Variants in AGMO observed in about 807,000 individuals in gnomAD.
AGMO encodes the protein alkylglycerol monooxygenase.
AGMO carries 75 observed loss-of-function variants against 60.2 expected under a neutral mutation model. That is an observed-to-expected ratio of 1.25 (90% CI 1.03 to 1.51). The LOEUF (loss-of-function observed/expected upper bound fraction) is 1.51. AGMO is among the 40% of genes most tolerant of loss of function. The pLI is 0.00. For synonymous variants in AGMO, 261 were observed against 177.1 expected, an observed-to-expected ratio of 1.47 and a Z score of -3.76; for missense variants, 763 against 525.5, an observed-to-expected ratio of 1.45 and a Z score of -4.42.
chr7:15,139,725 C>T, the AGMO span, among the ~76,000 whole-genome samples: 1 of 149,168 alleles, frequency 6.7e-6, no homozygotes, highest in Non-Finnish European at 1.5e-5. Flanking sequence ...CATGATTAAT[C>T]TTATGAGATT....
intron 5 of AGMO, among the ~76,000 whole-genome samples, chr7:15,398,114 C>T (rs1400580980): frequency 6.6e-6 from 1 of 152,102 alleles, no homozygotes. Flanking sequence ...ACATGTGTTA[C>T]AAAAACAAAC....
intron 4 of AGMO, among the ~76,000 whole-genome samples, chr7:15,421,650 C>T (rs1258997897): frequency 3.3e-5 from 5 of 151,920 alleles, no homozygotes. Context: ...TATTGTTCAC[C>T]AAGAAGGTGG....
At position 15,466,234 on chromosome 7, in the gene AGMO, A is replaced by G. The variant is rs187634328; in HGVS notation, c.410-35126T>C. Among the ~76,000 whole-genome samples the G allele has an allele frequency of 2.3e-4, 35 of 152,302 alleles. No individual in the cohort carries two copies. The East Asian group carries it at 6.6e-3, about 29-fold the overall frequency. On this transcript the variant is annotated intron_variant, in intron 3 of 12. Coordinates refer to ENST00000342526, the MANE Select transcript of AGMO (RefSeq NM_001004320.2). The stretch of plus-strand genomic sequence containing the variant: ...CAGCTCTATCTTTATTCTGACATAC[A>G]AGTGTAGAAATGGAGCACAGAGAAA...
In AGMO at chr7:15,258,070, C is replaced by T. The variant is rs113165583; in HGVS notation, c.1264-56711G>A. Among the ~76,000 whole-genome samples, 191 of 152,200 alleles carry T rather than the reference C, an allele frequency of 1.3e-3. 1 individual carries two copies. Among genetic ancestry groups the T allele is most frequent in the African/African-American group, 3.9e-3 (162 of 41,516 alleles). Reference sequence around the variant, plus strand: ...TCATTAGAGCGATAACATTCTCAACCGGATTGCCATCTTATAACAACACTA... The same window carrying T: ...TCATTAGAGCGATAACATTCTCAACTGGATTGCCATCTTATAACAACACTA... On this transcript the variant is annotated intron_variant, in intron 12 of 12. Coordinates refer to ENST00000342526, the MANE Select transcript of AGMO (RefSeq NM_001004320.2).
Position 15,531,557 on chromosome 7 carries a change from TATTC to T in AGMO, c.409+13211_409+13214del, listed in dbSNP as rs1409654795. On this transcript the variant is annotated intron_variant, in intron 3 of 12. Transcript: ENST00000342526. ...ATTCTCTATATATATTCTATATATATATTCTCTATATATTCCATATATATATTCT... is the reference window on the plus strand; with the variant it reads ...ATTCTCTATATATATTCTATATATATTCTATATATTCCATATATATATTCT... Among the ~76,000 whole-genome samples, 13 of 90,454 alleles carry T rather than the reference TATTC, an allele frequency of 1.4e-4. 1 individual carries two copies. Among genetic ancestry groups the T allele is most frequent in the Non-Finnish European group, 1.7e-4 (8 of 47,254 alleles). The allele number at this position is 90,454 out of a possible 152,430, so 59.3% of individuals were successfully genotyped here. A position where few individuals can be genotyped will look rare whatever the true frequency, so the allele number is the denominator to read the frequency against.
At chr7:15,194,590 T>C in the AGMO span, among the ~76,000 whole-genome samples, 1 of 152,156 alleles carries the variant, frequency 6.6e-6, no homozygotes, top group African/African-American at 2.4e-5. Context: ...ATCAGTAATA[T>C]CACTGATCTT....
At chr7:15,506,654 G>C (rs1301737701) in intron 3 of AGMO, among the ~76,000 whole-genome samples, 1 of 152,010 alleles carries the variant, frequency 6.6e-6, no homozygotes, top group African/African-American at 2.4e-5. Context: ...TATTGTACCT[G>C]AAATAGTCTT....
chr7:15,358,394 T>G (rs778237861), intron 12 of AGMO: 3 of 471,238 alleles, frequency 6.4e-6, no homozygotes, highest in East Asian at 7.0e-5. Flanking sequence ...GAAAGGATAA[T>G]AAGAAGGCAT....
intron 3 of AGMO, among the ~76,000 whole-genome samples, chr7:15,483,128 T>A (rs568341756): frequency 3.3e-5 from 5 of 152,326 alleles, no homozygotes; most frequent in African/African-American, 1.2e-4. Flanking sequence ...ATTAGAATTA[T>A]GTATTTAATA....
chr7:15,238,209 G>A (rs1304010633), intron 12 of AGMO, among the ~76,000 whole-genome samples: 2 of 151,894 alleles, frequency 1.3e-5, no homozygotes, highest in African/African-American at 4.8e-5. Context: ...ACAAGTGTCT[G>A]TGGCAATTTT....
At chr7:15,149,051 T>A in the AGMO span, among the ~76,000 whole-genome samples, 1 of 152,338 alleles carries the variant, frequency 6.6e-6, no homozygotes, top group African/African-American at 2.4e-5. Context: ...TGATTTTGAT[T>A]TGCATTTCCC....
At chr7:15,132,045 C>T in the AGMO span, among the ~76,000 whole-genome samples, 1 of 152,066 alleles carries the variant, frequency 6.6e-6, no homozygotes, top group South Asian at 2.1e-4. Flanking sequence ...TGCATGCATA[C>T]AGGCCAGCCT....
At chr7:15,354,139 TG>T (rs1434199403) in intron 12 of AGMO, among the ~76,000 whole-genome samples, 1 of 151,532 alleles carries the variant, frequency 6.6e-6, no homozygotes, top group Non-Finnish European at 1.5e-5. Context: ...AAGAGGACAA[TG>T]TTTTTTTAAA....
chr7:15,399,391 G>A (rs1409964607), intron 5 of AGMO, among the ~76,000 whole-genome samples: 1 of 152,076 alleles, frequency 6.6e-6, no homozygotes, highest in Non-Finnish European at 1.5e-5. Context: ...TATTTCCTTT[G>A]CCTTTCTTAG....
At chr7:15,309,228 C>T (rs756095967) in intron 12 of AGMO, among the ~76,000 whole-genome samples, 15 of 152,104 alleles carry the variant, frequency 9.9e-5, no homozygotes, top group Non-Finnish European at 1.5e-4. Flanking sequence ...GAAGAACTAT[C>T]GTTATCCTTA....
intron 12 of AGMO, among the ~76,000 whole-genome samples, chr7:15,356,503 A>G (rs1400433255): frequency 1.3e-5 from 2 of 152,100 alleles, no homozygotes; most frequent in South Asian, 2.1e-4. Context: ...AAAAAATGAA[A>G]TAATATATTG....
chr7:15,539,201 A>T (rs78019744), intron 3 of AGMO, among the ~76,000 whole-genome samples: 5,350 of 152,126 alleles, frequency 0.035, 299 homozygotes, highest in African/African-American at 0.12. Context: ...CTATGTAAAC[A>T]GTGTGTCATG....
intron 3 of AGMO, among the ~76,000 whole-genome samples, chr7:15,459,259 G>C (rs575112818): frequency 4.6e-5 from 7 of 152,212 alleles, no homozygotes; most frequent in East Asian, 1.9e-4. Context: ...AGTGAAAACT[G>C]TTTGCTTTTG....
At chr7:15,558,706 A>G (rs952808574) in intron 2 of AGMO, among the ~76,000 whole-genome samples, 9 of 152,132 alleles carry the variant, frequency 5.9e-5, no homozygotes, top group Non-Finnish European at 1.2e-4. Flanking sequence ...CTTCTACTAT[A>G]TACCTAATAA....
Sources: allele counts gnomAD v4.1 joint callset (sites outside exome capture counted in the v4.1 genomes callset), GRCh38; gene constraint gnomAD v4.1.1; transcripts MANE v1.5; gene names NCBI Gene and HGNC (gene_info 2026-07-23, HGNC 2026-07-21).